Variants in SGCG observed in about 807,000 individuals in gnomAD.
The protein encoded by SGCG is gamma-sarcoglycan.
Under a neutral mutation model 29.3 loss-of-function variants are expected in SGCG, and 26 were observed. That is an observed-to-expected ratio of 0.89 (90% CI 0.65 to 1.23). The LOEUF is 1.23. Ranked by LOEUF, SGCG falls within the 50% of genes most tolerant of loss-of-function variation. The pLI is 0.00. For missense variants in SGCG, 353 were observed against 356.0 expected, an observed-to-expected ratio of 0.99 and a Z score of 0.07; for synonymous variants, 145 against 129.7, an observed-to-expected ratio of 1.12 and a Z score of -0.80.
At chr13:23,247,072 AC>A in intron 3 of SGCG, 1 of 168,908 alleles carries the variant, frequency 5.9e-6, no homozygotes, top group Non-Finnish European at 1.4e-5. Context: ...CAGTATGCCC[AC>A]CCAGGCCTGG....
intron 6 of SGCG, among the ~76,000 whole-genome samples, chr13:23,318,191 A>C (rs1208281148): frequency 6.7e-6 from 1 of 150,014 alleles, no homozygotes; most frequent in Non-Finnish European, 1.5e-5. Context: ...CCTACTAGTT[A>C]TGTCCTACTA....
intron 6 of SGCG, among the ~76,000 whole-genome samples, chr13:23,298,818 G>A (rs866803604): frequency 2.0e-5 from 3 of 151,930 alleles, no homozygotes; most frequent in African/African-American, 4.8e-5. Context: ...CTGTATATAC[G>A]GCAGGCTCTT....
chr13:23,299,427 TA>T lies in SGCG; in HGVS notation c.578+3941del, dbSNP rs1566037343. Among the ~76,000 whole-genome samples the T allele has an allele frequency of 3.5e-3, 47 of 13,530 alleles. 3 individuals are homozygous for T. Among genetic ancestry groups the T allele is most frequent in the African/African-American group, 7.7e-3 (37 of 4,830 alleles). 8.9% of individuals were successfully genotyped at this position (13,530 alleles called of 152,430 possible). On this transcript the variant is annotated intron_variant, in intron 6 of 7. Transcript: ENST00000218867. Reference sequence around the variant, plus strand: ...GTTGGCATATATATATATATATATATATATATATATATATATATATATATAT... The same window carrying T: ...GTTGGCATATATATATATATATATATTATATATATATATATATATATATAT...
At chr13:23,254,857 C>T (rs1390492857) in intron 4 of SGCG, among the ~76,000 whole-genome samples, 6 of 152,192 alleles carry the variant, frequency 3.9e-5, no homozygotes, top group Non-Finnish European at 7.3e-5. Context: ...CTGTGGAAGG[C>T]GCAAGCCATA....
chr13:23,309,089 T>A (rs79384487), intron 6 of SGCG, among the ~76,000 whole-genome samples: 5,741 of 152,170 alleles, frequency 0.038, 382 homozygotes, highest in African/African-American at 0.13. Context: ...ATTACCAGGG[T>A]GTTTATAGTT....
intron 7 of SGCG, among the ~76,000 whole-genome samples, chr13:23,322,521 T>G (rs1348236622): frequency 6.6e-6 from 1 of 152,204 alleles, no homozygotes; most frequent in South Asian, 2.1e-4. Flanking sequence ...ATCTCAGGGT[T>G]TGCCACTCCC....
intron 2 of SGCG, among the ~76,000 whole-genome samples, chr13:23,223,690 G>A (rs4770415): frequency 0.098 from 14,860 of 152,152 alleles, 1,001 homozygotes; most frequent in East Asian, 0.37. Flanking sequence ...GGGGCTGGGC[G>A]TGGTGGCTCA....
rs755404457 is a variant in SGCG at position 23,203,795 on chromosome 13, G to A, written c.101G>A (p.Arg34His). ...YKIGIYGWRK[R>H]CLYLFVLLLL... ...ATTGGCATTTATGGCTGGAGAAAGC[G>A]CTGTCTCTACTTGTTTGTTCTTCTT... The change falls in exon 2 of 8, where the codon CGC becomes CAC. Residue 34 changes from arginine (R) to histidine (H), a missense_variant. Arg to His is a conservative substitution (Grantham distance 29). Coordinates refer to ENST00000218867, the MANE Select transcript of SGCG (RefSeq NM_000231.3). 3.8e-5 allele frequency: 61 copies of A among 1,613,356 alleles called. 1 individual carries two copies. The Middle Eastern group carries it at 8.2e-4, about 22-fold the overall frequency.
intron 6 of SGCG, among the ~76,000 whole-genome samples, chr13:23,305,147 C>T (rs1484399732): frequency 6.6e-6 from 1 of 152,150 alleles, no homozygotes; most frequent in Non-Finnish European, 1.5e-5. Context: ...TTTTAAATTA[C>T]CTTAGGGAAA....
chr13:23,173,141 C>T, the SGCG span, among the ~76,000 whole-genome samples: 11 of 152,152 alleles, frequency 7.2e-5, no homozygotes, highest in Non-Finnish European at 1.5e-4. Flanking sequence ...TGGTGGACTC[C>T]TAATGTTACA....
chr13:23,203,738 TAG>T lies in SGCG; in HGVS notation c.49_50del (p.Arg17AlafsTer42). The T allele has an allele frequency of 6.2e-7, 1 of 1,614,084 alleles. No homozygotes were observed. Among genetic ancestry groups the T allele is most frequent in the Non-Finnish European group, 8.5e-7 (1 of 1,179,960 alleles). ...ACTACAGCCACAGAAGGCATCTGCA[TAG>T]AGAGGCCAGAGAATCAGTATGTCTA... On this transcript the variant is annotated frameshift_variant, in exon 2 of 8. Coordinates refer to ENST00000218867, the MANE Select transcript of SGCG (RefSeq NM_000231.3). LOFTEE classifies it high-confidence loss of function.
At chr13:23,256,710 A>G (rs1251421482) in intron 4 of SGCG, among the ~76,000 whole-genome samples, 2 of 152,146 alleles carry the variant, frequency 1.3e-5, no homozygotes, top group Non-Finnish European at 2.9e-5. Context: ...ACATGAACTC[A>G]TCCTTTTTTA....
At chr13:23,290,500 CATTGG>C (rs1881659520) in intron 5 of SGCG, among the ~76,000 whole-genome samples, 1 of 152,136 alleles carries the variant, frequency 6.6e-6, no homozygotes, top group African/African-American at 2.4e-5. Flanking sequence ...CAGAAATTGT[CATTGG>C]ATTTATTATT....
chr13:23,281,325 G>T (rs1881297292), intron 5 of SGCG, among the ~76,000 whole-genome samples: 1 of 150,850 alleles, frequency 6.6e-6, no homozygotes. Context: ...GGGCAACAGA[G>T]TGAGACCGTG....
intron 3 of SGCG, chr13:23,245,621 G>A (rs1382640642): frequency 6.6e-6 from 1 of 152,114 alleles, no homozygotes; most frequent in South Asian, 2.1e-4. Context: ...TCAGTAAGGG[G>A]CGACCTAATA....
At chr13:23,222,410 A>T (rs1878705751) in intron 2 of SGCG, among the ~76,000 whole-genome samples, 2 of 140,728 alleles carry the variant, frequency 1.4e-5, no homozygotes, top group African/African-American at 5.3e-5. Flanking sequence ...TGTGCAATCC[A>T]TATTGAATTA....
intron 1 of SGCG, among the ~76,000 whole-genome samples, chr13:23,192,406 A>ACGGAGTCT (rs201291893): frequency 0.017 from 2,522 of 151,570 alleles, 73 homozygotes; most frequent in African/African-American, 0.058. Context: ...TATTTTTGAG[A>ACGGAGTCT]CGGAGTCTCA....
At chr13:23,213,285 C>T (rs1878301645) in intron 2 of SGCG, among the ~76,000 whole-genome samples, 1 of 152,084 alleles carries the variant, frequency 6.6e-6, no homozygotes, top group Admixed American at 6.5e-5. Context: ...ACCAGCCTGG[C>T]CTACATGGCA....
intron 4 of SGCG, chr13:23,268,005 CCAGCCATTA>C (rs1480583960): frequency 6.5e-6 from 1 of 152,700 alleles, no homozygotes. Flanking sequence ...ATTTAAATTT[CCAGCCATTA>C]CTTGATTAAT....
Sources: allele counts gnomAD v4.1 joint callset (sites outside exome capture counted in the v4.1 genomes callset), GRCh38; gene constraint gnomAD v4.1.1; transcripts MANE v1.5; gene names NCBI Gene and HGNC (gene_info 2026-07-23, HGNC 2026-07-21).